The following PEX7 variants were observed in gnomAD, a reference collection of about 807,000 sequenced individuals.
The protein encoded by PEX7 is PTS2 receptor.
A neutral mutation model predicts 47.5 loss-of-function variants in PEX7; 34 were observed. The ratio of observed to expected loss-of-function variants is 0.72; its 90% CI spans 0.54 to 0.95. The LOEUF (loss-of-function observed/expected upper bound fraction) is 0.95. PEX7 is among the 40% of genes least tolerant of loss of function. The pLI is 0.00. For synonymous variants in PEX7, 141 were observed against 148.8 expected (o/e 0.95, Z 0.38); for missense variants, 394 against 400.3 (o/e 0.98, Z 0.13).
chr6:136,880,749 G>A (rs1775363097), intron 8 of PEX7, among the ~76,000 whole-genome samples: 1 of 152,146 alleles, frequency 6.6e-6, no homozygotes, highest in Non-Finnish European at 1.5e-5. Context: ...ATATGGCCCA[G>A]TCTATATAGC....
chr6:136,913,555 A>C lies in PEX7; in HGVS notation c.*29A>C, dbSNP rs762147454. The C allele has an allele frequency of 4.8e-6, 7 of 1,451,526 alleles. No homozygotes were observed. Among genetic ancestry groups the C allele is most frequent in the Non-Finnish European group, 4.8e-6 (5 of 1,032,408 alleles). 89.9% of individuals were successfully genotyped at this position (1,451,526 alleles called of 1,614,324 possible). On this transcript the variant is annotated 3_prime_UTR_variant, in exon 10 of 10. Coordinates refer to ENST00000318471, the MANE Select transcript of PEX7 (RefSeq NM_000288.4). The stretch of plus-strand genomic sequence containing the variant: ...ACACTACTTTGGTCAGAAACAGAGG[A>C]TGTTGGCTGAAGAACTGCCTAACAG...
At chr6:136,839,651 A>G (rs538151048) in intron 3 of PEX7, among the ~76,000 whole-genome samples, 6 of 152,280 alleles carry the variant, frequency 3.9e-5, no homozygotes, top group Non-Finnish European at 7.4e-5. Flanking sequence ...TGCCATGCCC[A>G]CTATTTGAGT....
At chr6:136,898,994 T>G (rs1247647268) in intron 9 of PEX7, among the ~76,000 whole-genome samples, 1 of 151,634 alleles carries the variant, frequency 6.6e-6, no homozygotes, top group Non-Finnish European at 1.5e-5. Flanking sequence ...ATGATAACTC[T>G]CATAAGTTAA....
chr6:136,913,708 C>CTGATA lies in PEX7; in HGVS notation c.*183_*187dup. 3.3e-6 allele frequency: 2 copies of CTGATA among 612,338 alleles called. No homozygotes were observed. Among genetic ancestry groups the CTGATA allele is most frequent in the Non-Finnish European group, 5.8e-6 (2 of 344,266 alleles). The allele number at this position is 612,338 out of a possible 1,614,324, so 37.9% of individuals were successfully genotyped here. On this transcript the variant is annotated 3_prime_UTR_variant, in exon 10 of 10. Coordinates refer to ENST00000318471, the MANE Select transcript of PEX7 (RefSeq NM_000288.4). ...AAAGACTTTAGCTGACTCGTTAAGC[C>CTGATA]TGATACATAAGCCATATTTAAAATT...
Position 136,913,401 on chromosome 6 carries a change from A to G in PEX7, c.904-57A>G, listed in dbSNP as rs375420545. The stretch of plus-strand genomic sequence containing the variant: ...TAAATGACTTGAGTTTTTGCTGTCA[A>G]TTTTGAATTTTTGTATGTCTAAATA... On this transcript the variant is annotated intron_variant, in intron 9 of 9. Transcript: ENST00000318471. 5.6e-4 allele frequency: 706 copies of G among 1,257,962 alleles called. 1 individual carries two copies. The highest frequency in any genetic ancestry group is 7.8e-4 in the Non-Finnish European group (673 of 857,608). 77.9% of individuals were successfully genotyped at this position (1,257,962 alleles called of 1,614,324 possible). A position where few individuals can be genotyped will look rare whatever the true frequency, so the allele number is the denominator to read the frequency against.
intron 5 of PEX7, among the ~76,000 whole-genome samples, chr6:136,859,922 G>A (rs2115200183): frequency 6.6e-6 from 1 of 152,150 alleles, no homozygotes; most frequent in Non-Finnish European, 1.5e-5. Context: ...CTACTGGGAG[G>A]CTGAGGCAGG....
At chr6:136,840,130 T>C (rs764464659) in intron 3 of PEX7, among the ~76,000 whole-genome samples, 3 of 152,162 alleles carry the variant, frequency 2.0e-5, no homozygotes, top group African/African-American at 4.8e-5. Context: ...CCAAGATCAG[T>C]GGAAAGACAT....
At chr6:136,904,686 CCTT>C (rs1272842000) in intron 9 of PEX7, among the ~76,000 whole-genome samples, 3 of 150,716 alleles carry the variant, frequency 2.0e-5, no homozygotes, top group Non-Finnish European at 4.4e-5. Context: ...ACATGCTCCT[CCTT>C]GTCTTCTGCC....
chr6:136,885,465 T>G (rs1039067797), intron 8 of PEX7, among the ~76,000 whole-genome samples: 17 of 152,224 alleles, frequency 1.1e-4, no homozygotes, highest in Non-Finnish European at 1.9e-4. Context: ...AGCCACAGTT[T>G]GCGTGATGTG....
intron 9 of PEX7, among the ~76,000 whole-genome samples, chr6:136,909,919 T>C (rs1178206042): frequency 2.0e-5 from 3 of 152,194 alleles, no homozygotes; most frequent in Non-Finnish European, 2.9e-5. Context: ...CTGATTCTCT[T>C]CTCTCCAGTA....
intron 8 of PEX7, among the ~76,000 whole-genome samples, 167 bp downstream of exon 8, chr6:136,872,420 A>T (rs1402050102): frequency 1.3e-5 from 2 of 152,130 alleles, no homozygotes; most frequent in African/African-American, 4.8e-5. Context: ...TGTTTTCGTG[A>T]TCCAGTCACA....
chr6:136,905,313 TTC>T (rs1775827754), intron 9 of PEX7, among the ~76,000 whole-genome samples: 1 of 152,240 alleles, frequency 6.6e-6, no homozygotes, highest in African/African-American at 2.4e-5. Flanking sequence ...CAATCGGTTC[TTC>T]TGTTTTCAAA....
intron 3 of PEX7, among the ~76,000 whole-genome samples, chr6:136,832,189 G>C (rs1001160030): frequency 2.0e-5 from 3 of 152,234 alleles, no homozygotes; most frequent in African/African-American, 7.2e-5. Context: ...CTTGTCTTCT[G>C]TGTACCCACA....
chr6:136,856,160 G>T (rs1774858514), intron 5 of PEX7, among the ~76,000 whole-genome samples: 1 of 152,108 alleles, frequency 6.6e-6, no homozygotes, highest in Admixed American at 6.6e-5. Flanking sequence ...TAGTAGAAAA[G>T]TGATCTTTTA....
chr6:136,873,917 T>C (rs942694294), intron 8 of PEX7, among the ~76,000 whole-genome samples: 1 of 152,156 alleles, frequency 6.6e-6, no homozygotes, highest in African/African-American at 2.4e-5. Flanking sequence ...GATATGGCTA[T>C]GATGTATTAT....
chr6:136,906,668 G>T (rs950537393), intron 9 of PEX7, among the ~76,000 whole-genome samples: 1 of 152,104 alleles, frequency 6.6e-6, no homozygotes, highest in East Asian at 1.9e-4. Context: ...TCCTATTGCT[G>T]TCCCTTTTTT....
chr6:136,888,887 C>G (rs147147246), intron 8 of PEX7, among the ~76,000 whole-genome samples: 1 of 152,096 alleles, frequency 6.6e-6, no homozygotes, highest in East Asian at 1.9e-4. Flanking sequence ...AAATCTTTTC[C>G]AAGGAGAAGA....
At chr6:136,876,203 A>G (rs1775269634) in intron 8 of PEX7, among the ~76,000 whole-genome samples, 2 of 151,826 alleles carry the variant, frequency 1.3e-5, no homozygotes, top group Admixed American at 1.3e-4. Flanking sequence ...ATGCTAGGCT[A>G]ATTTTTTGTA....
At chr6:136,863,602 C>T (rs562975409) in intron 5 of PEX7, among the ~76,000 whole-genome samples, 6 of 152,040 alleles carry the variant, frequency 3.9e-5, no homozygotes, top group South Asian at 2.1e-4. Flanking sequence ...AATTTTTCTC[C>T]GATTTATAGA....
Sources: gnomAD v4.1 joint callset for allele counts (sites outside exome capture counted in the v4.1 genomes callset) on GRCh38, gnomAD v4.1.1 for gene constraint, MANE v1.5 for transcripts, NCBI Gene and HGNC (gene_info 2026-07-23, HGNC 2026-07-21) for gene names.